CFI: variants seen among roughly 807,000 people sequenced by gnomAD.
CFI encodes the protein complement factor I.
Under a neutral mutation model 78.8 loss-of-function variants are expected in CFI, and 66 were observed. The observed-to-expected ratio is 0.84, with a 90% CI of 0.69 to 1.03. The LOEUF (loss-of-function observed/expected upper bound fraction) is 1.03. Among genes scored for constraint, CFI ranks in the 50% least tolerant of loss-of-function variants. CFI has a pLI of 0.00. For missense variants in CFI, 706 were observed against 704.5 expected (o/e 1.00, Z -0.02); for synonymous variants, 250 against 232.6 (o/e 1.07, Z -0.68).
intron 10 of CFI, among the ~76,000 whole-genome samples, chr4:109,748,356 T>C (rs1169472285): frequency 6.6e-6 from 1 of 152,206 alleles, no homozygotes; most frequent in African/African-American, 2.4e-5. Flanking sequence ...AAACAGTTCC[T>C]GCTTTCATGG....
Position 109,761,706 on chromosome 4 carries a change from A to G in CFI, c.483-14T>C. 1 of 1,599,182 alleles carries G rather than the reference A, an allele frequency of 6.3e-7. No individual in the cohort carries two copies. Among genetic ancestry groups the G allele is most frequent in the Middle Eastern group, 1.7e-4 (1 of 6,042 alleles). ...GTATCAGCACCTCTGCAAATAGAATAAAGGAAACATTATGGTAGAATAATT... is the reference window on the plus strand; with the variant it reads ...GTATCAGCACCTCTGCAAATAGAATGAAGGAAACATTATGGTAGAATAATT... On this transcript the variant is annotated splice_polypyrimidine_tract_variant and intron_variant, in intron 3 of 12. Coordinates refer to ENST00000394634, the MANE Select transcript of CFI (RefSeq NM_000204.5).
At chr4:109,766,450 G>T in intron 2 of CFI, 104 bp downstream of exon 2, 2 of 1,389,592 alleles carry the variant, frequency 1.4e-6, no homozygotes, top group Admixed American at 3.5e-5. Flanking sequence ...AAAATTTTGA[G>T]TTGTCATCAT....
Position 109,764,564 on chromosome 4 carries a change from A to C in CFI, c.455T>G (p.Val152Gly). Residue 152 changes from valine to glycine, a missense_variant, in exon 3 of 13, where the codon GTG becomes GGG. Coordinates refer to ENST00000394634, the MANE Select transcript of CFI (RefSeq NM_000204.5). ...KSSWSMREAN[V>G]ACLDLGFQQG... The stretch of plus-strand genomic sequence containing the variant: ...TTGAAACCCAAGGTCAAGGCAGGCC[A>C]CGTTGGCTTCCCTCATGCTCCAGCT... 4 of 1,614,162 alleles carry C rather than the reference A, an allele frequency of 2.5e-6. No individual in the cohort carries two copies. Among genetic ancestry groups the C allele is most frequent in the Non-Finnish European group, 3.4e-6 (4 of 1,180,012 alleles).
chr4:109,755,281 T>C (rs964032130), intron 7 of CFI, among the ~76,000 whole-genome samples: 10 of 152,160 alleles, frequency 6.6e-5, no homozygotes, highest in Admixed American at 2.0e-4. Context: ...TTGGTGGGGT[T>C]GAAGAAAACC....
intron 1 of CFI, among the ~76,000 whole-genome samples, chr4:109,768,583 A>G (rs75592869): frequency 0.01 from 1,573 of 152,300 alleles, 33 homozygotes; most frequent in African/African-American, 0.036. Flanking sequence ...AAATAATATG[A>G]GGGCTGGGAA....
At chr4:109,794,037 A>C (rs1731723629) in intron 1 of CFI, 1 of 152,176 alleles carries the variant, frequency 6.6e-6, no homozygotes, top group Admixed American at 6.5e-5. Context: ...ATCTTACGGA[A>C]TCTCATGACT....
intron 1 of CFI, among the ~76,000 whole-genome samples, chr4:109,792,219 T>C (rs1218605921): frequency 6.6e-6 from 1 of 152,206 alleles, no homozygotes; most frequent in African/African-American, 2.4e-5. Context: ...AAGTTCTCCA[T>C]TCCTTATTGA....
chr4:109,747,139 C>T (rs1724572137), intron 10 of CFI, among the ~76,000 whole-genome samples: 1 of 152,076 alleles, frequency 6.6e-6, no homozygotes, highest in Non-Finnish European at 1.5e-5. Context: ...TAAATATTGC[C>T]TATTCTTATG....
chr4:109,756,794 G>C (rs1206956575), intron 7 of CFI, among the ~76,000 whole-genome samples: 1 of 151,278 alleles, frequency 6.6e-6, no homozygotes, highest in South Asian at 2.1e-4. Context: ...GGGAGGTGGA[G>C]GTTGCAGTGA....
intron 1 of CFI, among the ~76,000 whole-genome samples, chr4:109,800,534 C>A (rs964676697): frequency 1.3e-5 from 2 of 151,578 alleles, no homozygotes; most frequent in Non-Finnish European, 2.9e-5. Flanking sequence ...GTTATTCCCC[C>A]CATTAGAAGG....
chr4:109,763,178 T>G (rs1727297366), intron 3 of CFI, among the ~76,000 whole-genome samples: 1 of 152,128 alleles, frequency 6.6e-6, no homozygotes, highest in African/African-American at 2.4e-5. Flanking sequence ...GCTTATTATA[T>G]CATCATAGTG....
chr4:109,753,571 AAT>A (rs1491402036), intron 7 of CFI, among the ~76,000 whole-genome samples: 172 of 9,744 alleles, frequency 0.018, 2 homozygotes, highest in African/African-American at 0.04. Context: ...AAATATTTAT[AAT>A]ATATATTTAT....
chr4:109,757,991 A>C, intron 6 of CFI: 3 of 1,426,752 alleles, frequency 2.1e-6, no homozygotes, highest in Non-Finnish European at 1.9e-6. Flanking sequence ...TCACTATAGC[A>C]AAGAGATCAT....
chr4:109,797,637 A>AGAAAT (rs1302381461), intron 1 of CFI, among the ~76,000 whole-genome samples: 4 of 152,238 alleles, frequency 2.6e-5, no homozygotes, highest in Non-Finnish European at 5.9e-5. Flanking sequence ...ATACAATGGA[A>AGAAAT]GAAATATTTG....
chr4:109,756,892 A>AGAAAGAAAGAAT (rs1726251153), intron 7 of CFI, among the ~76,000 whole-genome samples: 1 of 16,816 alleles, frequency 5.9e-5, no homozygotes, highest in Admixed American at 5.4e-4. Context: ...AAGAAAGGAA[A>AGAAAGAAAGAAT]GAAAGAAAGA....
At chr4:109,745,874 TC>T in intron 11 of CFI, among the ~76,000 whole-genome samples, 1 of 152,286 alleles carries the variant, frequency 6.6e-6, no homozygotes. Flanking sequence ...TGCCACAGGA[TC>T]ATAGAGAGAA....
At position 109,740,859 on chromosome 4, in the gene CFI, G is replaced by C. The variant is rs751622376; in HGVS notation, c.*34C>G. 15 of 1,566,668 alleles carry C rather than the reference G, an allele frequency of 9.6e-6. 1 individual carries two copies. Among genetic ancestry groups the C allele is most frequent in the Non-Finnish European group, 1.3e-5 (15 of 1,137,374 alleles). The stretch of plus-strand genomic sequence containing the variant: ...TTTCCATTAAATGGAACTCTTGAGA[G>C]AAAAAGAATAGAATGAAGAGAGAGA... On this transcript the variant is annotated 3_prime_UTR_variant, in exon 13 of 13. Coordinates refer to ENST00000394634, the MANE Select transcript of CFI (RefSeq NM_000204.5).
At chr4:109,789,662 G>A (rs1409094488) in intron 1 of CFI, among the ~76,000 whole-genome samples, 1 of 151,984 alleles carries the variant, frequency 6.6e-6, no homozygotes. Context: ...ACAAGAAAAA[G>A]CAGAAGGAAA....
At chr4:109,735,901 A>G (rs1198083080), downstream of CFI, among the ~76,000 whole-genome samples, 2 of 152,264 alleles carry the variant, frequency 1.3e-5, no homozygotes, top group African/African-American at 4.8e-5. Flanking sequence ...ATACAGAGGC[A>G]GAGCAATTAA....
Sources: allele counts gnomAD v4.1 joint callset (sites outside exome capture counted in the v4.1 genomes callset), GRCh38; gene constraint gnomAD v4.1.1; transcripts MANE v1.5; gene names NCBI Gene and HGNC (gene_info 2026-07-23, HGNC 2026-07-21).